NOS1: variants seen among roughly 807,000 people sequenced by gnomAD.
NOS1 encodes the protein NOS type I.
Under a neutral mutation model 164.5 loss-of-function variants are expected in NOS1, and 51 were observed. The observed-to-expected ratio is 0.31, with a 90% CI of 0.25 to 0.39. The LOEUF is 0.39. Ranked by LOEUF, NOS1 falls within the 10% of genes least tolerant of loss-of-function variation. The pLI is 1.00. For synonymous variants in NOS1, 719 were observed against 745.8 expected, an observed-to-expected ratio of 0.96 and a Z score of 0.59; for missense variants, 1,362 against 1,885.6, an observed-to-expected ratio of 0.72 and a Z score of 5.14.
intron 7 of NOS1, among the ~76,000 whole-genome samples, chr12:117,282,043 A>C (rs1339940575): frequency 6.6e-6 from 1 of 152,132 alleles, no homozygotes. Context: ...GCCTGCCTAA[A>C]TAGGCAACAG....
At chr12:117,328,536 T>G (rs888696184) in intron 2 of NOS1, among the ~76,000 whole-genome samples, 4 of 152,028 alleles carry the variant, frequency 2.6e-5, no homozygotes, top group Admixed American at 6.6e-5. Flanking sequence ...TCAATATTTC[T>G]GATCCCATCC....
In NOS1 at chr12:117,209,388, T is replaced by C. The variant is rs1356445670; in HGVS notation, c.*5921A>G. 2.0e-6 allele frequency: 2 copies of C among 985,040 alleles called. No individual in the cohort carries two copies. Among genetic ancestry groups the C allele is most frequent in the East Asian group, 2.3e-4 (2 of 8,820 alleles). The allele number at this position is 985,040 out of a possible 1,614,324, so 61.0% of individuals were successfully genotyped here. On this transcript the variant is annotated 3_prime_UTR_variant, in exon 29 of 29. Transcript: ENST00000317775. Reference sequence around the variant, plus strand: ...AGAATTACCCAGCCCCAAATGCCAATAGTGCTAAGGTTGACAGACCCTGCG... The same window carrying C: ...AGAATTACCCAGCCCCAAATGCCAACAGTGCTAAGGTTGACAGACCCTGCG...
chr12:117,240,946 T>C (rs1013538415), intron 20 of NOS1, among the ~76,000 whole-genome samples: 9 of 151,020 alleles, frequency 6.0e-5, no homozygotes, highest in Admixed American at 1.3e-4. Flanking sequence ...TTTTTCTTTT[T>C]TTTTTTTTTT....
intron 3 of NOS1, among the ~76,000 whole-genome samples, chr12:117,291,593 G>A (rs1873068626): frequency 6.9e-6 from 1 of 144,818 alleles, no homozygotes; most frequent in Non-Finnish European, 1.5e-5. Flanking sequence ...GAGTGCAGTG[G>A]TCCAATCATA....
intron 9 of NOS1, among the ~76,000 whole-genome samples, chr12:117,274,396 G>C (rs1280658871): frequency 6.6e-6 from 1 of 152,092 alleles, no homozygotes. Context: ...TATGCAGAAC[G>C]GTATGGCAGA....
chr12:117,238,359 TG>T (rs1444043308), intron 20 of NOS1, among the ~76,000 whole-genome samples: 1 of 152,148 alleles, frequency 6.6e-6, no homozygotes, highest in African/African-American at 2.4e-5. Flanking sequence ...CCTATGCAAA[TG>T]GGACGCCTGG....
chr12:117,307,180 G>C (rs1010173036), intron 3 of NOS1, among the ~76,000 whole-genome samples: 1 of 152,020 alleles, frequency 6.6e-6, no homozygotes, highest in African/African-American at 2.4e-5. Flanking sequence ...TTCTTCCTTC[G>C]AACCGAGATC....
In NOS1 at chr12:117,330,641, T is replaced by C; in HGVS notation, c.429A>G (p.Lys143=). The change falls in exon 2 of 29, where the codon AAA becomes AAG. Residue 143 remains lysine (K), a synonymous_variant. Coordinates refer to ENST00000317775, the MANE Select transcript of NOS1 (RefSeq NM_000620.5). This position sits in a 1 kb window ranked among gnomAD's most constrained non-coding sequence, Gnocchi z 4.6. ...VDLSHQPPAG[K]EQPLAVDGAS... The stretch of plus-strand genomic sequence containing the variant: ...CCCCATCCACTGCCAGGGGCTGTTC[T>C]TTGCCGGCCGGTGGCTGGTGGGACA... 1 of 1,611,770 alleles carries C rather than the reference T, an allele frequency of 6.2e-7. No individual in the cohort carries two copies. Among genetic ancestry groups the C allele is most frequent in the Non-Finnish European group, 8.5e-7 (1 of 1,178,402 alleles).
intron 1 of NOS1, among the ~76,000 whole-genome samples, chr12:117,355,129 C>T (rs1336066871): frequency 6.6e-6 from 1 of 152,158 alleles, no homozygotes; most frequent in African/African-American, 2.4e-5. Context: ...CTTTTCAGGG[C>T]ACCTCTGAAA....
chr12:117,338,533 C>T (rs1023267480), intron 1 of NOS1, among the ~76,000 whole-genome samples: 6 of 151,362 alleles, frequency 4.0e-5, no homozygotes, highest in Admixed American at 2.0e-4. Flanking sequence ...TTAATGGGTG[C>T]GGCACACCAG....
intron 13 of NOS1, 111 bp from the exon 14 acceptor site, chr12:117,260,720 A>C: frequency 2.5e-6 from 3 of 1,180,478 alleles, no homozygotes; most frequent in Non-Finnish European, 3.5e-6. Flanking sequence ...ACAGAAGAGA[A>C]CTCTCTTGAT....
Position 117,220,117 on chromosome 12 carries a change from C to T in NOS1, c.4128G>A (p.Lys1376=), listed in dbSNP as rs1263347932. The T allele has an allele frequency of 1.9e-6, 3 of 1,613,510 alleles. No individual in the cohort carries two copies. The highest frequency in any genetic ancestry group is 2.5e-6 in the Non-Finnish European group (3 of 1,179,738). Residue 1376 remains lysine (K), a synonymous_variant, in exon 27 of 29, where the codon AAG becomes AAA. Coordinates refer to ENST00000317775, the MANE Select transcript of NOS1 (RefSeq NM_000620.5). ...AIQRIMTQQG[K]LSAEDAGVFI... Reference sequence around the variant, plus strand: ...ATACGCCGGCGTCCTCTGCCGAGAGCTTCCCCTGCTGGGTCATGATGCGCT... The same window carrying T: ...ATACGCCGGCGTCCTCTGCCGAGAGTTTCCCCTGCTGGGTCATGATGCGCT...
intron 2 of NOS1, among the ~76,000 whole-genome samples, chr12:117,312,176 T>G (rs1874464768): frequency 1.3e-5 from 2 of 152,198 alleles, no homozygotes; most frequent in Admixed American, 6.5e-5. Flanking sequence ...TAAGGAGAGA[T>G]AGCATTTATT....
intron 9 of NOS1, 121 bp downstream of exon 9, chr12:117,277,838 C>T (rs527908372): frequency 1.7e-6 from 2 of 1,211,900 alleles, no homozygotes; most frequent in South Asian, 3.1e-5. Context: ...GAACCAAGCC[C>T]CCCTTTCCCC....
intron 16 of NOS1, chr12:117,256,118 G>A (rs1871423262): frequency 4.4e-6 from 3 of 681,830 alleles, no homozygotes; most frequent in South Asian, 6.2e-5. Context: ...ATCTAGGATG[G>A]GGTGGGAAGG....
chr12:117,335,380 G>C (rs1001700255), intron 1 of NOS1, among the ~76,000 whole-genome samples: 22 of 152,148 alleles, frequency 1.4e-4, no homozygotes, highest in Non-Finnish European at 2.9e-5. Flanking sequence ...AATCACATAT[G>C]CATGCTTGCC....
In NOS1 at chr12:117,265,508, A is replaced by T. The variant is rs1592966881; in HGVS notation, c.1944T>A (p.Ser648Arg). ...GATGGTCAACAATGGTCACTTTGTC[A>T]CTCTGTGGGAGGAGAGGGGACAGGG... ...INIAVLYSFQSDKVTIVDHHS... is the reference protein window; with the variant it reads ...INIAVLYSFQRDKVTIVDHHS... The change falls in exon 12 of 29, where the codon AGT becomes AGA. Residue 648 changes from serine (S) to arginine (R), a missense_variant and splice_region_variant. Coordinates refer to ENST00000317775, the MANE Select transcript of NOS1 (RefSeq NM_000620.5). The T allele has an allele frequency of 6.6e-7, 1 of 1,525,272 alleles. No individual in the cohort carries two copies. The highest frequency in any genetic ancestry group is 8.8e-7 in the Non-Finnish European group (1 of 1,130,452). The allele number at this position is 1,525,272 out of a possible 1,614,324, so 94.5% of individuals were successfully genotyped here.
Position 117,209,457 on chromosome 12 carries a change from T to A in NOS1, c.*5852A>T. The A allele has an allele frequency of 1.0e-6, 1 of 985,480 alleles. No individual in the cohort carries two copies. The highest frequency in any genetic ancestry group is 4.7e-5 in the South Asian group (1 of 21,286). 61.0% of individuals were successfully genotyped at this position (985,480 alleles called of 1,614,324 possible). A position where few individuals can be genotyped will look rare whatever the true frequency, so the allele number is the denominator to read the frequency against. ...TAGGAGTCAAATCTGGGCACTTCGA[T>A]GTCCTGGAGTTACTTTCTAAAAGAC... is the stretch of plus-strand genomic sequence containing the variant. On this transcript the variant is annotated 3_prime_UTR_variant, in exon 29 of 29. Transcript: ENST00000317775.
chr12:117,210,915 C>A lies in NOS1; in HGVS notation c.*4394G>T. Reference sequence around the variant, plus strand: ...TTTCCCTGAGCCTGCTCTTCAGAGACCTCTCTCTCAGCTAGGGGCAAGATG... The same window carrying A: ...TTTCCCTGAGCCTGCTCTTCAGAGAACTCTCTCTCAGCTAGGGGCAAGATG... On this transcript the variant is annotated 3_prime_UTR_variant, in exon 29 of 29. Transcript: ENST00000317775. The A allele has an allele frequency of 2.0e-6, 2 of 985,054 alleles. No homozygotes were observed. The highest frequency in any genetic ancestry group is 2.4e-6 in the Non-Finnish European group (2 of 829,746). The allele number at this position is 985,054 out of a possible 1,614,324, so 61.0% of individuals were successfully genotyped here.
Sources: gnomAD v4.1 joint callset for allele counts (sites outside exome capture counted in the v4.1 genomes callset) on GRCh38, gnomAD v4.1.1 for gene constraint, Gnocchi (gnomAD v3.1) non-coding constraint, MANE v1.5 for transcripts, NCBI Gene and HGNC (gene_info 2026-07-23, HGNC 2026-07-21) for gene names.